CEP128: variants seen among roughly 807,000 people sequenced by gnomAD.
CEP128 encodes centrosomal protein 128kDa.
Under a neutral mutation model 156.7 loss-of-function variants are expected in CEP128, and 132 were observed. That is an observed-to-expected ratio of 0.84 (90% CI 0.73 to 0.97). The LOEUF (loss-of-function observed/expected upper bound fraction) is 0.97, where lower values mean the gene tolerates loss of function less well. Among genes scored for constraint, CEP128 ranks in the 50% least tolerant of loss-of-function variants. The pLI, the probability that CEP128 is intolerant of heterozygous loss-of-function variation, is 0.00. For synonymous variants in CEP128, 469 were observed against 448.9 expected (o/e 1.04, Z -0.57); for missense variants, 1,252 against 1,281.9 (o/e 0.98, Z 0.36).
intron 19 of CEP128, among the ~76,000 whole-genome samples, chr14:80,728,447 T>C (rs2139504906): frequency 6.6e-6 from 1 of 152,108 alleles, no homozygotes; most frequent in South Asian, 2.1e-4. Flanking sequence ...ATCATTTGTA[T>C]ACTAAACCCC....
At position 80,731,014 on chromosome 14, in the gene CEP128, T is replaced by C. The variant is rs146821856; in HGVS notation, c.2806+12061A>G. Among the ~76,000 whole-genome samples, 21 of 152,322 alleles carry C rather than the reference T, an allele frequency of 1.4e-4. No homozygotes were observed. In the East Asian group the frequency reaches 3.9e-3, roughly 28 times the overall value. On this transcript the variant is annotated intron_variant, in intron 19 of 24. Transcript: ENST00000555265. ...GAGTTAATGTCTAACAGTAAAACTATTGTTTCTGGATAAGCATTTCTAATG... is the reference window on the plus strand; with the variant it reads ...GAGTTAATGTCTAACAGTAAAACTACTGTTTCTGGATAAGCATTTCTAATG...
chr14:80,644,767 T>C (rs1384372613), intron 19 of CEP128, among the ~76,000 whole-genome samples: 3 of 152,112 alleles, frequency 2.0e-5, no homozygotes, highest in Non-Finnish European at 4.4e-5. Context: ...AGAATTTGAG[T>C]CATGACAACT....
intron 19 of CEP128, among the ~76,000 whole-genome samples, chr14:80,654,014 C>T (rs752520344): frequency 2.6e-5 from 4 of 151,934 alleles, no homozygotes; most frequent in Non-Finnish European, 5.9e-5. Context: ...TAATGTATTT[C>T]TTATAGAAGG....
chr14:80,798,846 C>T (rs1235785266), intron 13 of CEP128, among the ~76,000 whole-genome samples: 2 of 152,220 alleles, frequency 1.3e-5, no homozygotes, highest in African/African-American at 4.8e-5. Context: ...CCTCTACTCA[C>T]ACTTGACAGT....
intron 4 of CEP128, among the ~76,000 whole-genome samples, chr14:80,907,787 T>TA (rs1883974403): frequency 6.6e-6 from 1 of 152,032 alleles, no homozygotes; most frequent in Non-Finnish European, 1.5e-5. Flanking sequence ...CCAGAGGTCT[T>TA]ATGTAGTGAT....
chr14:80,751,748 G>A (rs1899407131), intron 18 of CEP128, among the ~76,000 whole-genome samples: 1 of 151,608 alleles, frequency 6.6e-6, no homozygotes, highest in South Asian at 2.1e-4. Flanking sequence ...TCCTGCCTCA[G>A]CAACCGAAGT....
chr14:80,621,394 TTTGA>T (rs1893473588), intron 19 of CEP128, among the ~76,000 whole-genome samples: 1 of 152,160 alleles, frequency 6.6e-6, no homozygotes, highest in Non-Finnish European at 1.5e-5. Context: ...TCTAAGATTC[TTTGA>T]TTGTGTAAGA....
chr14:80,639,634 AT>A (rs1053700727), intron 19 of CEP128, among the ~76,000 whole-genome samples: 1 of 152,182 alleles, frequency 6.6e-6, no homozygotes, highest in Non-Finnish European at 1.5e-5. Context: ...TTTGTCTAAA[AT>A]TAACACATTA....
At chr14:80,890,913 A>T (rs913919104) in intron 8 of CEP128, among the ~76,000 whole-genome samples, 2 of 152,202 alleles carry the variant, frequency 1.3e-5, no homozygotes, top group Non-Finnish European at 2.9e-5. Flanking sequence ...TCTCAGAAGG[A>T]GACACACAAA....
chr14:80,878,856 AC>A (rs1410101838), intron 8 of CEP128, among the ~76,000 whole-genome samples: 1 of 152,160 alleles, frequency 6.6e-6, no homozygotes, highest in Non-Finnish European at 1.5e-5. Flanking sequence ...GTCTGACCTC[AC>A]GACCACTCTG....
chr14:80,925,595 T>G (rs1885102191), intron 2 of CEP128, among the ~76,000 whole-genome samples: 1 of 152,044 alleles, frequency 6.6e-6, no homozygotes, highest in Admixed American at 6.5e-5. Context: ...TTTGTTTTTT[T>G]GGTTTTTTTT....
At chr14:80,855,738 C>T (rs1004215396) in intron 9 of CEP128, among the ~76,000 whole-genome samples, 6 of 152,058 alleles carry the variant, frequency 3.9e-5, no homozygotes, top group African/African-American at 1.4e-4. Flanking sequence ...AAAGAAAGTG[C>T]AGGAAAAGGG....
chr14:80,677,875 T>C (rs1483330183), intron 19 of CEP128, among the ~76,000 whole-genome samples: 1 of 152,006 alleles, frequency 6.6e-6, no homozygotes, highest in Non-Finnish European at 1.5e-5. Context: ...GTATGAATGT[T>C]GAAAAACATG....
At chr14:80,623,636 G>A in intron 19 of CEP128, among the ~76,000 whole-genome samples, 1 of 150,362 alleles carries the variant, frequency 6.7e-6, no homozygotes. Context: ...AAAGGAAATA[G>A]GTCCAATTAC....
At chr14:80,832,428 C>G (rs1885855683) in intron 12 of CEP128, among the ~76,000 whole-genome samples, 2 of 151,634 alleles carry the variant, frequency 1.3e-5, no homozygotes, top group South Asian at 4.2e-4. Flanking sequence ...AAAACACTAA[C>G]AAATTAAATT....
chr14:80,492,732 A>G (rs191071519), downstream of CEP128, among the ~76,000 whole-genome samples: 4 of 152,318 alleles, frequency 2.6e-5, no homozygotes, highest in East Asian at 5.8e-4. Context: ...AAAATTTATA[A>G]GAAAAAAACA....
At chr14:80,546,144 A>C (rs948759207) in intron 21 of CEP128, among the ~76,000 whole-genome samples, 4 of 152,180 alleles carry the variant, frequency 2.6e-5, no homozygotes, top group African/African-American at 9.7e-5. Context: ...CAGTCCACAC[A>C]CTGCTGTTGT....
chr14:80,486,617 G>C (rs1157243628), downstream of CEP128, among the ~76,000 whole-genome samples: 2 of 152,194 alleles, frequency 1.3e-5, no homozygotes, highest in African/African-American at 4.8e-5. Context: ...GGCAGCCAGA[G>C]AGAAACGTTG....
intron 14 of CEP128, among the ~76,000 whole-genome samples, chr14:80,786,466 T>G (rs144940108): frequency 2.0e-5 from 3 of 152,256 alleles, no homozygotes. Flanking sequence ...GTAAAACAAT[T>G]TATGACAAAA....
Sources: gnomAD v4.1 joint callset for allele counts (sites outside exome capture counted in the v4.1 genomes callset) on GRCh38, gnomAD v4.1.1 for gene constraint, MANE v1.5 for transcripts, NCBI Gene and HGNC (gene_info 2026-07-23, HGNC 2026-07-21) for gene names.